The following SEC24B variants were observed in gnomAD, a reference collection of about 807,000 sequenced individuals.
The protein encoded by SEC24B is protein transport protein Sec24B.
Under a neutral mutation model 142.8 loss-of-function variants are expected in SEC24B, and 45 were observed. That is an observed-to-expected ratio of 0.32 (90% CI 0.25 to 0.40). The LOEUF (loss-of-function observed/expected upper bound fraction) is 0.40, where lower values mean the gene tolerates loss of function less well. Ranked by LOEUF, SEC24B falls within the 10% of genes least tolerant of loss-of-function variation. The probability of loss-of-function intolerance (pLI) is 1.00; values close to 1 mark genes in which losing one functional copy is unlikely to be tolerated. For synonymous variants in SEC24B, 574 were observed against 568.2 expected (o/e 1.01, Z -0.15); for missense variants, 1,409 against 1,526.8 (o/e 0.92, Z 1.29).
At chr4:109,464,025 A>G (rs922125159) in intron 2 of SEC24B, among the ~76,000 whole-genome samples, 3 of 152,194 alleles carry the variant, frequency 2.0e-5, no homozygotes, top group Non-Finnish European at 4.4e-5. Flanking sequence ...TTTTTTAGCC[A>G]GAGCCCCACT....
chr4:109,465,916 A>G (rs938022180), intron 2 of SEC24B, among the ~76,000 whole-genome samples: 6 of 152,170 alleles, frequency 3.9e-5, no homozygotes, highest in Non-Finnish European at 7.3e-5. Flanking sequence ...TAATGAATAT[A>G]TTTTAGAATT....
intron 8 of SEC24B, among the ~76,000 whole-genome samples, chr4:109,510,618 TAGAG>T (rs1314110907): frequency 2.6e-5 from 4 of 152,172 alleles, no homozygotes; most frequent in Non-Finnish European, 4.4e-5. Flanking sequence ...GATGTCCACT[TAGAG>T]AGGAAAACTG....
chr4:109,531,352 T>C, intron 19 of SEC24B, 33 bp from the exon 20 acceptor site: 1 of 1,567,372 alleles, frequency 6.4e-7, no homozygotes, highest in Non-Finnish European at 8.7e-7. Flanking sequence ...ATATTTGTAT[T>C]TTACTTGAAA....
At position 109,539,619 on chromosome 4, in the gene SEC24B, G is replaced by A; in HGVS notation, c.3751G>A (p.Ala1251Thr). The A allele has an allele frequency of 3.7e-6, 6 of 1,613,936 alleles. No homozygotes were observed. The highest frequency in any genetic ancestry group is 5.1e-6 in the Non-Finnish European group (6 of 1,179,960). ...FQHLIEDRTEAAFSYYEFLLH... is the reference protein window; with the variant it reads ...FQHLIEDRTETAFSYYEFLLH... ...GCATTTGATTGAAGACCGGACAGAG[G>A]CTGCATTTTCTTACTATGAATTTTT... The change falls in exon 24 of 24, where the codon GCT (alanine) becomes ACT (threonine). Residue 1251 changes from alanine to threonine, a missense_variant. By Grantham distance (58) the Ala-to-Thr change is moderately conservative. Transcript: ENST00000265175.
chr4:109,455,191 C>T (rs1052337904), intron 1 of SEC24B, among the ~76,000 whole-genome samples: 1 of 152,138 alleles, frequency 6.6e-6, no homozygotes, highest in Non-Finnish European at 1.5e-5. Context: ...ATTGTCAATC[C>T]CAGATTCCCT....
chr4:109,459,341 T>G (rs1364298801), intron 1 of SEC24B, among the ~76,000 whole-genome samples: 1 of 152,174 alleles, frequency 6.6e-6, no homozygotes, highest in East Asian at 1.9e-4. Flanking sequence ...GGCTGTTGAG[T>G]ACTTGACATA....
At chr4:109,483,050 A>ATGTATTTATATATATATGTATTTATTTC (rs1733967664) in intron 4 of SEC24B, among the ~76,000 whole-genome samples, 1 of 130,954 alleles carries the variant, frequency 7.6e-6, no homozygotes, top group Non-Finnish European at 1.6e-5. Flanking sequence ...ATATGTATTT[A>ATGTATTTATATATATATGTATTTATTTC]TGTATTTATA....
At chr4:109,515,562 G>A (rs1041862154) in intron 10 of SEC24B, among the ~76,000 whole-genome samples, 2 of 151,976 alleles carry the variant, frequency 1.3e-5, no homozygotes, top group African/African-American at 2.4e-5. Context: ...TCCTGGGCCC[G>A]AGCAATCCAC....
chr4:109,537,020 T>C (rs1339810135), intron 22 of SEC24B, among the ~76,000 whole-genome samples: 2 of 152,026 alleles, frequency 1.3e-5, no homozygotes, highest in East Asian at 3.8e-4. Context: ...AAGGGCTAAC[T>C]TCTCTATAAA....
chr4:109,464,541 G>A (rs1163544168), intron 2 of SEC24B, among the ~76,000 whole-genome samples: 4 of 152,188 alleles, frequency 2.6e-5, no homozygotes, highest in African/African-American at 9.7e-5. Context: ...TTTAAGTGCA[G>A]TGTTTCCTTT....
chr4:109,477,164 A>G (rs1039565418), intron 3 of SEC24B, among the ~76,000 whole-genome samples: 2 of 146,524 alleles, frequency 1.4e-5, no homozygotes, highest in South Asian at 2.1e-4. Context: ...AAAAAAAAAA[A>G]AGACCTACAG....
chr4:109,535,099 C>G (rs1725371652), intron 22 of SEC24B, among the ~76,000 whole-genome samples: 1 of 152,194 alleles, frequency 6.6e-6, no homozygotes, highest in Admixed American at 6.5e-5. Context: ...GTGCATAGTG[C>G]TACTATGAAT....
intron 18 of SEC24B, among the ~76,000 whole-genome samples, chr4:109,527,644 C>T (rs576344772): frequency 1.2e-4 from 19 of 152,008 alleles, no homozygotes; most frequent in African/African-American, 4.1e-4. Flanking sequence ...TGGTGGCAGG[C>T]GCCTGTAATC....
At chr4:109,503,826 A>G (rs574894320) in intron 6 of SEC24B, among the ~76,000 whole-genome samples, 3 of 151,992 alleles carry the variant, frequency 2.0e-5, no homozygotes, top group South Asian at 2.1e-4. Flanking sequence ...CATAATGTAA[A>G]TAAGTCTCAT....
intron 21 of SEC24B, among the ~76,000 whole-genome samples, 175 bp downstream of exon 21, chr4:109,532,918 C>T (rs1725087799): frequency 1.3e-5 from 2 of 152,134 alleles, no homozygotes; most frequent in African/African-American, 2.4e-5. Context: ...TCTATTTGGA[C>T]TTCATTTTAT....
At chr4:109,507,826 G>T (rs1037593878) in intron 7 of SEC24B, among the ~76,000 whole-genome samples, 2 of 151,588 alleles carry the variant, frequency 1.3e-5, no homozygotes, top group Non-Finnish European at 2.9e-5. Flanking sequence ...TGTATTTTTA[G>T]TAGAGACAGG....
intron 1 of SEC24B, among the ~76,000 whole-genome samples, chr4:109,453,857 A>G (rs570199857): frequency 3.8e-4 from 58 of 152,242 alleles, no homozygotes; most frequent in African/African-American, 1.3e-3. Flanking sequence ...GCCGTTCGGT[A>G]TCCCTGACTT....
chr4:109,504,684 A>G (rs929809207), intron 6 of SEC24B, among the ~76,000 whole-genome samples: 2 of 152,182 alleles, frequency 1.3e-5, no homozygotes, highest in African/African-American at 4.8e-5. Flanking sequence ...AGGCTTGATT[A>G]GTGCCTCATA....
intron 17 of SEC24B, 63 bp from the exon 18 acceptor site, chr4:109,527,259 G>T: frequency 3.8e-6 from 4 of 1,053,376 alleles, no homozygotes; most frequent in Non-Finnish European, 5.7e-6. Flanking sequence ...AAAAGTATTT[G>T]ACATGTTTGC....
Sources: gnomAD v4.1 joint callset for allele counts (sites outside exome capture counted in the v4.1 genomes callset) on GRCh38, gnomAD v4.1.1 for gene constraint, MANE v1.5 for transcripts, NCBI Gene and HGNC (gene_info 2026-07-23, HGNC 2026-07-21) for gene names.